Variants in PLEC observed in about 807,000 individuals in gnomAD.
The protein encoded by PLEC is plectin.
In PLEC, 216 loss-of-function variants were observed where a neutral mutation model predicts 392.8. That is an observed-to-expected ratio of 0.55 (90% confidence interval 0.49 to 0.62). The LOEUF (loss-of-function observed/expected upper bound fraction) is 0.62, where lower values mean the gene tolerates loss of function less well. Among genes scored for constraint, PLEC ranks in the 20% least tolerant of loss-of-function variants. The probability of loss-of-function intolerance (pLI) is 0.00; values close to 1 mark genes in which losing one functional copy is unlikely to be tolerated. For synonymous variants in PLEC, 3,621 were observed against 2,980.6 expected (o/e 1.21, Z -7.00); for missense variants, 6,863 against 6,563.4 (o/e 1.05, Z -1.58).
At chr8:143,975,287 G>A, upstream of PLEC, 2 of 1,610,110 alleles carry the variant, frequency 1.2e-6, no homozygotes, top group Non-Finnish European at 1.7e-6. The surrounding 1 kb of genome is among the most constrained non-coding windows in gnomAD (Gnocchi z 9.9). Flanking sequence ...CCAGGGCAGT[G>A]TGTCCCCAGG....
At chr8:143,942,175 C>T (rs1470163212), upstream of PLEC, among the ~76,000 whole-genome samples, 5 of 150,748 alleles carry the variant, frequency 3.3e-5, no homozygotes, top group African/African-American at 1.2e-4. Context: ...CAGCCCCGCC[C>T]CCTCCAGCCC....
At chr8:143,946,253 G>A (rs897256564) in intron 1 of PLEC, 25 of 924,054 alleles carry the variant, frequency 2.7e-5, no homozygotes, top group African/African-American at 1.9e-4. Context: ...CAGGTCTGAC[G>A]GCACAGAACG....
At position 143,923,645 on chromosome 8, in the gene PLEC, T is replaced by A. The variant is rs923805947; in HGVS notation, c.6284A>T (p.Glu2095Val). 1 of 1,575,386 alleles carries A rather than the reference T, an allele frequency of 6.3e-7. No homozygotes were observed. The highest frequency in any genetic ancestry group is 1.7e-5 in the Admixed American group (1 of 57,750). The change falls in exon 31 of 32, where the codon GAG becomes GTG. Residue 2095 changes from glutamate to valine, a missense_variant. By Grantham distance (121) the Glu-to-Val change is moderately radical (BLOSUM62 -2). Coordinates refer to ENST00000345136, the MANE Select transcript of PLEC (RefSeq NM_201384.3). ...AARRAAEEAE[E>V]ARVQAEREAA... ...CTCACGCTCCGCCTGCACCCGGGCC[T>A]CCTCCGCCTCCTCAGCCGCCCGCCG...
chr8:143,942,470 G>A, upstream of PLEC: 1 of 1,599,638 alleles, frequency 6.3e-7, no homozygotes, highest in Non-Finnish European at 8.5e-7. Context: ...GGCCGCTCCA[G>A]CAAGACCTCC....
exon 1 of PLEC, chr8:143,950,364 G>T (rs1355021091): frequency 1.9e-6 from 3 of 1,590,080 alleles, no homozygotes; most frequent in South Asian, 1.1e-5. Flanking sequence ...GCCTGCACGT[G>T]GGGGGTGCGG....
rs200239963 is a variant in PLEC, at chr8:143,921,770, C to T, written c.8051G>A (p.Arg2684Gln). 3,903 of 1,611,772 alleles carry T rather than the reference C, an allele frequency of 2.4e-3. 2 individuals carry two copies. Among genetic ancestry groups the T allele is most frequent in the Non-Finnish European group, 3.1e-3 (3,620 of 1,179,832 alleles). Residue 2684 changes from arginine (R) to glutamine (Q), a missense_variant, in exon 32 of 32, where the codon CGG becomes CAG. Physicochemically the swap from Arg to Gln is conservative, Grantham distance 43. Transcript: ENST00000345136. ...QGHTTVDELA[R>Q]REDVRHYLQG... ...CAGGTAGTGGCGCACGTCTTCCCGC[C>T]GTGCGAGCTCGTCCACCGTGGTGTG...
chr8:143,927,584 C>A lies in PLEC; in HGVS notation c.3582G>T (p.Gln1194His), dbSNP rs782026189. ...CGAGCTCGCGCTGCCGCACGTCGGT[C>A]TGGGCCAGCACAGCCTGCCAGCGCT... ...LLERWQAVLA[Q>H]TDVRQRELEQ... The change falls in exon 27 of 32, where the codon CAG (glutamine) becomes CAT (histidine). Residue 1194 changes from glutamine (Q) to histidine (H), a missense_variant. Coordinates refer to ENST00000345136, the MANE Select transcript of PLEC (RefSeq NM_201384.3). The A allele has an allele frequency of 9.4e-6, 15 of 1,589,756 alleles. No homozygotes were observed. Among genetic ancestry groups the A allele is most frequent in the Non-Finnish European group, 1.3e-5 (15 of 1,175,378 alleles).
At chr8:143,975,500 T>A, upstream of PLEC, 1 of 763,834 alleles carries the variant, frequency 1.3e-6, no homozygotes. This position sits in a 1 kb window ranked among gnomAD's most constrained non-coding sequence, Gnocchi z 9.9. Flanking sequence ...GCCTGGACAC[T>A]GGCACCCACA....
At position 143,926,814 on chromosome 8, in the gene PLEC, G is replaced by A. The variant is rs145555539; in HGVS notation, c.4014C>T (p.Ser1338=). 1.2e-4 allele frequency: 198 copies of A among 1,613,828 alleles called. 1 individual carries two copies. The African/African-American group carries it at 2.1e-3, about 17-fold the overall frequency. The change falls in exon 30 of 32, where the codon AGC becomes AGT. Residue 1338 remains serine (S), a synonymous_variant. Transcript: ENST00000345136. ...TLTSQYIKFI[S]ETLRRMEEEE... is the part of the protein sequence containing the mutation. ...CCTCCTCCATGCGCCGCAGAGTCTC[G>A]CTGATGAACTTGATGTACTGGCTCG...
Position 143,923,137 on chromosome 8 carries a change from G to A in PLEC, c.6792C>T (p.Arg2264=). ...LILRDKDNTQ[R]FLQEEAEKMK... ...TCTTCTCAGCCTCCTCCTGCAGGAA[G>A]CGCTGCGTATTGTCCTTGTCACGCA... Residue 2264 remains arginine, a synonymous_variant, in exon 31 of 32, where the codon CGC becomes CGT. Coordinates refer to ENST00000345136, the MANE Select transcript of PLEC (RefSeq NM_201384.3). 4 of 1,603,554 alleles carry A rather than the reference G, an allele frequency of 2.5e-6. No individual in the cohort carries two copies. Among genetic ancestry groups the A allele is most frequent in the Admixed American group, 1.7e-5 (1 of 60,002 alleles).
intron 10 of PLEC, 64 bp downstream of exon 10, chr8:143,934,571 G>T: frequency 6.2e-7 from 1 of 1,601,764 alleles, no homozygotes; most frequent in East Asian, 2.2e-5. Context: ...GGTCGGCTCC[G>T]GAAGAACCTT....
rs1435660121 is a variant in PLEC at position 143,927,513 on chromosome 8, G to A, written c.3653C>T (p.Pro1218Leu). The A allele has an allele frequency of 1.9e-6, 3 of 1,597,312 alleles. No individual in the cohort carries two copies. The highest frequency in any genetic ancestry group is 2.5e-6 in the Non-Finnish European group (3 of 1,178,944). The part of the protein sequence containing the change: ...QLRYYRESAD[P>L]LGAWLQDARR... ...GGCGTCCTGCAGCCAGGCGCCCAAG[G>A]GGTCTGCACTCTCGCGGTAGTAACG... Residue 1218 changes from proline (P) to leucine (L), a missense_variant, in exon 27 of 32, where the codon CCC becomes CTC. Pro to Leu is a moderately conservative substitution (Grantham distance 98). Coordinates refer to ENST00000345136, the MANE Select transcript of PLEC (RefSeq NM_201384.3).
intron 1 of PLEC, among the ~76,000 whole-genome samples, chr8:143,968,327 C>T (rs782265989): frequency 7.3e-5 from 11 of 151,676 alleles, no homozygotes; most frequent in African/African-American, 2.4e-4. Flanking sequence ...AGGTGGCTCA[C>T]GCTGTAATCC....
At chr8:143,946,818 G>A (rs972040094) in intron 1 of PLEC, among the ~76,000 whole-genome samples, 5 of 145,806 alleles carry the variant, frequency 3.4e-5, no homozygotes, top group Non-Finnish European at 1.5e-5. Flanking sequence ...AGCCAGGCGG[G>A]AGCAGAGCCC....
At position 143,923,188 on chromosome 8, in the gene PLEC, G is replaced by A. The variant is rs62641755; in HGVS notation, c.6741C>T (p.Ile2247=). Residue 2247 remains isoleucine (I), a synonymous_variant, in exon 31 of 32, where the codon ATC becomes ATT. Coordinates refer to ENST00000345136, the MANE Select transcript of PLEC (RefSeq NM_201384.3). ...AGATGAGTGCGCGGTTCTCAGCCTC[G>A]ATGCGTGCCTTGAGCTTGCTCAGCT... is the stretch of plus-strand genomic sequence containing the variant. The part of the protein sequence containing the change: ...MEELSKLKAR[I]EAENRALILR... 3.0e-3 allele frequency: 4,811 copies of A among 1,602,460 alleles called. 107 individuals carry two copies. In the African/African-American group the frequency reaches 0.053, roughly 18 times the overall value.
rs1554725092 is a variant in PLEC at position 143,938,166 on chromosome 8, G to A, written c.249C>T (p.Leu83=). ...GCACACGTACCAGGCTGTCCCCCGA[G>A]AGGACCTCCAGCAGGGAGATGAGGT... ...GHNLISLLEV[L]SGDSLPREKG... is the part of the protein sequence containing the mutation. Residue 83 remains leucine, a synonymous_variant, in exon 3 of 32, where the codon CTC becomes CTT. Transcript: ENST00000345136. 3 of 1,606,872 alleles carry A rather than the reference G, an allele frequency of 1.9e-6. No individual in the cohort carries two copies. The highest frequency in any genetic ancestry group is 2.5e-6 in the Non-Finnish European group (3 of 1,178,736).
chr8:143,923,157 C>T lies in PLEC; in HGVS notation c.6772G>A (p.Asp2258Asn). 1.2e-6 allele frequency: 2 copies of T among 1,602,854 alleles called. No homozygotes were observed. Among genetic ancestry groups the T allele is most frequent in the Non-Finnish European group, 1.7e-6 (2 of 1,179,892 alleles). ...AGGAAGCGCTGCGTATTGTCCTTGT[C>T]ACGCAAGATGAGTGCGCGGTTCTCA... ...EAENRALILRDKDNTQRFLQE... is the reference protein window; with the variant it reads ...EAENRALILRNKDNTQRFLQE... Residue 2258 changes from aspartate (D) to asparagine (N), a missense_variant, in exon 31 of 32, where the codon GAC (aspartate) becomes AAC (asparagine). Asp to Asn is a conservative substitution (Grantham distance 23). Transcript: ENST00000345136.
At position 143,927,732 on chromosome 8, in the gene PLEC, G is replaced by T. The variant is rs200672373; in HGVS notation, c.3434C>A (p.Thr1145Lys). 3.1e-6 allele frequency: 5 copies of T among 1,596,038 alleles called. 1 individual carries two copies. In the Admixed American group the frequency reaches 6.8e-5, roughly 22 times the overall value. ...CAGCTCATCCCGCAGGGCGTCGAAC[G>T]TGGGCTGCTGTGCCTCGGCCTGGGC... ...LRAQAEAQQPTFDALRDELRG... is the reference protein window; with the variant it reads ...LRAQAEAQQPKFDALRDELRG... Residue 1145 changes from threonine (T) to lysine (K), a missense_variant, in exon 27 of 32, where the codon ACG becomes AAG. Thr to Lys is a moderately conservative substitution (Grantham distance 78). Coordinates refer to ENST00000345136, the MANE Select transcript of PLEC (RefSeq NM_201384.3).
Position 143,924,743 on chromosome 8 carries a change from CGCTGCT to C in PLEC, c.5180_5185del (p.Gln1727_Gln1728del). ...GGCCAGCTCCTCCTCCAGCAGCTGC[CGCTGCT>C]GCTCCCCCTGCTCCGTCTCGGCCCG... is the stretch of plus-strand genomic sequence containing the variant. On this transcript the variant is annotated inframe_deletion, in exon 31 of 32. Coordinates refer to ENST00000345136, the MANE Select transcript of PLEC (RefSeq NM_201384.3). The C allele has an allele frequency of 6.5e-7, 1 of 1,534,510 alleles. No homozygotes were observed. The highest frequency in any genetic ancestry group is 8.7e-7 in the Non-Finnish European group (1 of 1,146,074).
Sources: allele counts gnomAD v4.1 joint callset (sites outside exome capture counted in the v4.1 genomes callset), GRCh38; gene constraint gnomAD v4.1.1; non-coding constraint Gnocchi (gnomAD v3.1); transcripts MANE v1.5; gene names NCBI Gene and HGNC (gene_info 2026-07-23, HGNC 2026-07-21).